Variants in ZDBF2 observed in about 807,000 individuals in gnomAD.
The protein encoded by ZDBF2 is DBF4-type zinc finger-containing protein 2.
In ZDBF2, 6 loss-of-function variants were observed where a neutral mutation model predicts 9.4. That is an observed-to-expected ratio of 0.64 (90% confidence interval 0.35 to 1.27). The LOEUF (loss-of-function observed/expected upper bound fraction) is 1.27, where lower values mean the gene tolerates loss of function less well. Among genes scored for constraint, ZDBF2 ranks in the 50% most tolerant of loss-of-function variants. ZDBF2 has a pLI of 0.03. For synonymous variants in ZDBF2, 905 were observed against 946.3 expected (o/e 0.96, Z 0.80); for missense variants, 2,697 against 2,766.8 (o/e 0.97, Z 0.57).
chr2:206,301,303 T>A (rs1384683776), intron 4 of ZDBF2, among the ~76,000 whole-genome samples: 3 of 152,216 alleles, frequency 2.0e-5, no homozygotes, highest in Non-Finnish European at 4.4e-5. Flanking sequence ...TAACTGTATA[T>A]GTTATTCTTT....
At position 206,308,594 on chromosome 2, in the gene ZDBF2, G is replaced by A. The variant is rs564160963; in HGVS notation, c.4066G>A (p.Asp1356Asn). ...ILEEEHASLE[D>N]KSSNSYSPEE... ...GGAAGAGGAGCATGCCAGTCTGGAA[G>A]ATAAGAGCAGTAATTCTTATAGTCC... Residue 1356 changes from aspartate (D) to asparagine (N), a missense_variant, in exon 5 of 5, where the codon GAT (aspartate) becomes AAT (asparagine). Coordinates refer to ENST00000374423, the MANE Select transcript of ZDBF2 (RefSeq NM_020923.3). 3.3e-5 allele frequency: 54 copies of A among 1,613,448 alleles called. No individual in the cohort carries two copies. The Admixed American group carries it at 4.0e-4, about 12-fold the overall frequency.
At chr2:206,284,235 G>T (rs1035413171) in intron 3 of ZDBF2, among the ~76,000 whole-genome samples, 1 of 151,680 alleles carries the variant, frequency 6.6e-6, no homozygotes, top group Non-Finnish European at 1.5e-5. Context: ...AAATTCATGC[G>T]CATCAGAGCT....
At chr2:206,281,663 T>G (rs1407339608) in intron 2 of ZDBF2, 138 bp from the exon 3 acceptor site, 6 of 541,964 alleles carry the variant, frequency 1.1e-5, no homozygotes, top group Admixed American at 3.5e-5. Context: ...TTCACTTATT[T>G]ATTCAGTGGC....
chr2:206,284,017 T>C (rs917496597), intron 3 of ZDBF2, among the ~76,000 whole-genome samples: 1 of 152,180 alleles, frequency 6.6e-6, no homozygotes, highest in Admixed American at 6.5e-5. Flanking sequence ...TAAATTTTGC[T>C]GTTTTGCTTA....
At chr2:206,303,606 G>A (rs1187492565) in intron 4 of ZDBF2, among the ~76,000 whole-genome samples, 1 of 151,974 alleles carries the variant, frequency 6.6e-6, no homozygotes, top group African/African-American at 2.4e-5. Context: ...AAAAATAATG[G>A]AATTTAAATT....
At position 206,308,095 on chromosome 2, in the gene ZDBF2, T is replaced by C; in HGVS notation, c.3567T>C (p.Gly1189=). 1.2e-6 allele frequency: 2 copies of C among 1,613,990 alleles called. No individual in the cohort carries two copies. Among genetic ancestry groups the C allele is most frequent in the Non-Finnish European group, 1.7e-6 (2 of 1,179,860 alleles). Residue 1189 remains glycine (G), a synonymous_variant, in exon 5 of 5, where the codon GGT becomes GGC. Coordinates refer to ENST00000374423, the MANE Select transcript of ZDBF2 (RefSeq NM_020923.3). ...AGCAGGAGCACATTGAACTAGAAGGTAAGCACAATCAATGTTGTGGTTCTG... is the reference window on the plus strand; with the variant it reads ...AGCAGGAGCACATTGAACTAGAAGGCAAGCACAATCAATGTTGTGGTTCTG... ...ILEQEHIELE[G]KHNQCCGSEV...
chr2:206,280,757 T>A (rs1691273008), intron 2 of ZDBF2, among the ~76,000 whole-genome samples: 1 of 152,190 alleles, frequency 6.6e-6, no homozygotes, highest in African/African-American at 2.4e-5. Flanking sequence ...TCCCCTCATC[T>A]TATGGTTTTA....
Position 206,304,875 on chromosome 2 carries a change from A to T in ZDBF2, c.347A>T (p.Glu116Val), listed in dbSNP as rs754236342. ...TCCGAGGTTTCAGAACCTATTGAAG[A>T]GTTACATTCCAGACCTCATAAATCT... is the stretch of plus-strand genomic sequence containing the variant. ...RPSEVSEPIE[E>V]LHSRPHKSQE... The change falls in exon 5 of 5, where the codon GAG becomes GTG. Residue 116 changes from glutamate (E) to valine (V), a missense_variant. By Grantham distance (121) the Glu-to-Val change is moderately radical (BLOSUM62 -2). Transcript: ENST00000374423. 1.1e-5 allele frequency: 17 copies of T among 1,613,758 alleles called. No homozygotes were observed. Among genetic ancestry groups the T allele is most frequent in the Non-Finnish European group, 1.4e-5 (17 of 1,179,786 alleles).
At chr2:206,289,311 A>G (rs2105914214) in intron 3 of ZDBF2, among the ~76,000 whole-genome samples, 1 of 152,048 alleles carries the variant, frequency 6.6e-6, no homozygotes, top group Admixed American at 6.5e-5. Flanking sequence ...GTGTGTGACT[A>G]CTCTGAATAT....
Position 206,305,783 on chromosome 2 carries a change from G to T in ZDBF2, c.1255G>T (p.Asp419Tyr). The T allele has an allele frequency of 1.9e-6, 3 of 1,613,684 alleles. No homozygotes were observed. The highest frequency in any genetic ancestry group is 2.5e-6 in the Non-Finnish European group (3 of 1,179,806). ...DCSSSFHSLTDQSKVSAKEVN... is the reference protein window; with the variant it reads ...DCSSSFHSLTYQSKVSAKEVN... ...CAGTTCCTCTTTTCATTCACTGACT[G>T]ACCAATCTAAAGTGAGTGCCAAAGA... is the stretch of plus-strand genomic sequence containing the variant. The change falls in exon 5 of 5, where the codon GAC becomes TAC. Residue 419 changes from aspartate (D) to tyrosine (Y), a missense_variant. Asp to Tyr is a radical substitution (Grantham distance 160). Around this residue, in one of 3 missense-constraint regions of ZDBF2, gnomAD observed 910 missense variants for 973.6 expected, o/e 0.93. Coordinates refer to ENST00000374423, the MANE Select transcript of ZDBF2 (RefSeq NM_020923.3).
At position 206,309,791 on chromosome 2, in the gene ZDBF2, C is replaced by A. The variant is rs774245104; in HGVS notation, c.5263C>A (p.Pro1755Thr). The change falls in exon 5 of 5, where the codon CCT (proline) becomes ACT (threonine). Residue 1755 changes from proline (P) to threonine (T), a missense_variant. Physicochemically the swap from Pro to Thr is conservative, Grantham distance 38. Transcript: ENST00000374423. Reference protein sequence around the residue: ...GFEMNFQCAPPLPSDTDQPQE... With the variant: ...GFEMNFQCAPTLPSDTDQPQE... The stretch of plus-strand genomic sequence containing the variant: ...TGAGATGAATTTTCAGTGTGCTCCC[C>A]CTCTTCCATCTGATACTGATCAGCC... 6.2e-7 allele frequency: 1 copy of A among 1,613,902 alleles called. No individual in the cohort carries two copies.
At chr2:206,285,661 A>G (rs529485826) in intron 3 of ZDBF2, among the ~76,000 whole-genome samples, 1 of 152,172 alleles carries the variant, frequency 6.6e-6, no homozygotes, top group East Asian at 1.9e-4. Context: ...GATATTATCC[A>G]GTTTGTCTAT....
chr2:206,302,279 G>T (rs927445012), intron 4 of ZDBF2, among the ~76,000 whole-genome samples: 4 of 151,890 alleles, frequency 2.6e-5, no homozygotes, highest in Non-Finnish European at 4.4e-5. Context: ...CAAAGTGGGG[G>T]GATTACAGGC....
Position 206,297,312 on chromosome 2 carries a change from T to C in ZDBF2, c.127T>C (p.Leu43=). The C allele has an allele frequency of 6.2e-7, 1 of 1,613,292 alleles. No homozygotes were observed. Among genetic ancestry groups the C allele is most frequent in the Non-Finnish European group, 8.5e-7 (1 of 1,179,308 alleles). ...QSRRQICTSS[L]MERFLQDVLQ... ...TAGACGTCAAATATGTACCAGTAGT[T>C]TGATGGAACGTTTCTTACAGGATGT... The change falls in exon 4 of 5, where the codon TTG becomes CTG. Residue 43 remains leucine (L), a synonymous_variant. Transcript: ENST00000374423.
At chr2:206,298,671 C>A (rs1341626143) in intron 4 of ZDBF2, among the ~76,000 whole-genome samples, 1 of 151,740 alleles carries the variant, frequency 6.6e-6, no homozygotes, top group African/African-American at 2.4e-5. Flanking sequence ...TTACAGGCAC[C>A]CGTCACCATG....
At chr2:206,301,466 A>G (rs1049985853) in intron 4 of ZDBF2, among the ~76,000 whole-genome samples, 5 of 151,576 alleles carry the variant, frequency 3.3e-5, no homozygotes, top group Non-Finnish European at 5.9e-5. Flanking sequence ...GTGAGGCAGG[A>G]CTTCTTGTAT....
chr2:206,305,461 T>C lies in ZDBF2; in HGVS notation c.933T>C (p.Asn311=). 2 of 1,613,152 alleles carry C rather than the reference T, an allele frequency of 1.2e-6. No individual in the cohort carries two copies. Residue 311 remains asparagine (N), a synonymous_variant, in exon 5 of 5, where the codon AAT becomes AAC. Transcript: ENST00000374423. ...KSPSKLAVNP[N]KTDMPSNKGI... ...CTTCCAAATTAGCAGTAAACCCGAA[T>C]AAAACTGACATGCCTTCTAATAAAG...
At chr2:206,303,365 A>G (rs2105944910) in intron 4 of ZDBF2, among the ~76,000 whole-genome samples, 1 of 151,900 alleles carries the variant, frequency 6.6e-6, no homozygotes, top group African/African-American at 2.4e-5. Context: ...AATTTGCCTT[A>G]GTACCTAGCA....
chr2:206,281,179 A>G (rs1322047022), intron 2 of ZDBF2, among the ~76,000 whole-genome samples: 1 of 152,226 alleles, frequency 6.6e-6, no homozygotes, highest in Non-Finnish European at 1.5e-5. Flanking sequence ...ATTTATTTGT[A>G]GAGAAATCTA....
Sources: gnomAD v4.1 joint callset for allele counts (sites outside exome capture counted in the v4.1 genomes callset) on GRCh38, gnomAD v4.1.1 for gene constraint, gnomAD v4.1.1 regional missense constraint, MANE v1.5 for transcripts, NCBI Gene and HGNC (gene_info 2026-07-23, HGNC 2026-07-21) for gene names.